The following GARNL3 variants were observed in gnomAD, a reference collection of about 807,000 sequenced individuals.
GARNL3 encodes GTPase-activating Rap/Ran-GAP domain-like protein 3.
Under a neutral mutation model 125.0 loss-of-function variants are expected in GARNL3, and 63 were observed. The ratio of observed to expected loss-of-function variants is 0.50; its 90% CI spans 0.41 to 0.62. The LOEUF (loss-of-function observed/expected upper bound fraction) is 0.62. GARNL3 is among the 20% of genes least tolerant of loss of function. The pLI, the probability that GARNL3 is intolerant of heterozygous loss-of-function variation, is 0.00. For synonymous variants in GARNL3, 439 were observed against 457.5 expected (o/e 0.96, Z 0.52); for missense variants, 994 against 1,244.0 (o/e 0.80, Z 3.02).
At chr9:127,387,570 CCAT>C (rs1179535884) in intron 25 of GARNL3, among the ~76,000 whole-genome samples, 1 of 151,622 alleles carries the variant, frequency 6.6e-6, no homozygotes, top group Non-Finnish European at 1.5e-5. Flanking sequence ...TGGTGAAACC[CCAT>C]CTCTACTAAA....
At chr9:127,378,424 T>G (rs773832630) in intron 22 of GARNL3, among the ~76,000 whole-genome samples, 10 of 151,768 alleles carry the variant, frequency 6.6e-5, no homozygotes, top group African/African-American at 1.9e-4. Flanking sequence ...CCGTCTCTAC[T>G]AAAAATATAA....
At chr9:127,263,020 C>T (rs1344685671), upstream of GARNL3, among the ~76,000 whole-genome samples, 1 of 152,188 alleles carries the variant, frequency 6.6e-6, no homozygotes, top group African/African-American at 2.4e-5. Flanking sequence ...CTGGTTCCCA[C>T]TATTAGCAAG....
intron 2 of GARNL3, among the ~76,000 whole-genome samples, chr9:127,254,662 G>A (rs1234176272): frequency 2.6e-5 from 4 of 151,950 alleles, no homozygotes; most frequent in East Asian, 1.9e-4. Context: ...CCAGCCACTC[G>A]GGAGACTGAG....
chr9:127,389,266 A>G lies in GARNL3; in HGVS notation c.2743+147A>G. The G allele has an allele frequency of 4.8e-6, 3 of 622,052 alleles. No individual in the cohort carries two copies. In the South Asian group the frequency reaches 5.8e-5, roughly 12 times the overall value. 38.5% of individuals were successfully genotyped at this position (622,052 alleles called of 1,614,324 possible). A position where few individuals can be genotyped will look rare whatever the true frequency, so the allele number is the denominator to read the frequency against. On this transcript the variant is annotated intron_variant, in intron 26 of 27. Coordinates refer to ENST00000373387, the MANE Select transcript of GARNL3 (RefSeq NM_032293.5). ...TTTAAGTAAGTTCTAATACCTCTAT[A>G]CCAAGGAATACACTATAATGTAGCC...
At chr9:127,331,497 A>G (rs1372783139) in intron 7 of GARNL3, among the ~76,000 whole-genome samples, 1 of 148,124 alleles carries the variant, frequency 6.8e-6, no homozygotes, top group Non-Finnish European at 1.5e-5. Context: ...TGTCTCAAAA[A>G]AAGAAAGAAA....
At chr9:127,249,510 C>T (rs544174838) in intron 2 of GARNL3, among the ~76,000 whole-genome samples, 21 of 152,068 alleles carry the variant, frequency 1.4e-4, no homozygotes, top group East Asian at 1.2e-3. Context: ...CACCTGAGCC[C>T]GGGAAGTTGA....
At chr9:127,338,449 CT>C (rs1395924327) in intron 12 of GARNL3, among the ~76,000 whole-genome samples, 1 of 152,210 alleles carries the variant, frequency 6.6e-6, no homozygotes, top group Non-Finnish European at 1.5e-5. Context: ...AGTCTACATT[CT>C]TGCCTGCTTA....
chr9:127,295,911 A>G (rs141244039), intron 2 of GARNL3, among the ~76,000 whole-genome samples: 705 of 152,282 alleles, frequency 4.6e-3, no homozygotes, highest in Non-Finnish European at 7.9e-3. Context: ...ATTGTAATAT[A>G]TAATGAAATA....
chr9:127,335,215 A>G lies in GARNL3; in HGVS notation c.770-15A>G, dbSNP rs1829483945. The G allele has an allele frequency of 1.9e-6, 3 of 1,563,404 alleles. No homozygotes were observed. The highest frequency in any genetic ancestry group is 2.6e-6 in the Non-Finnish European group (3 of 1,133,968). On this transcript the variant is annotated splice_polypyrimidine_tract_variant and intron_variant, in intron 9 of 27. Transcript: ENST00000373387. ...AATTCTCTGTGCTCACTGAATGCAT[A>G]TTTATATTTTGCAGATGATACCACA...
intron 1 of GARNL3, among the ~76,000 whole-genome samples, chr9:127,226,932 C>T (rs532760802): frequency 6.6e-6 from 1 of 152,354 alleles, no homozygotes; most frequent in South Asian, 2.1e-4. Flanking sequence ...TGGAGCAGCG[C>T]TGTCCCGTGG....
chr9:127,307,843 C>A (rs2064998522), intron 2 of GARNL3, among the ~76,000 whole-genome samples: 1 of 152,172 alleles, frequency 6.6e-6, no homozygotes, highest in African/African-American at 2.4e-5. Context: ...AGTTTACTCT[C>A]TAGGCTCTGC....
chr9:127,325,009 A>G, intron 6 of GARNL3, 60 bp from the exon 7 acceptor site: 1 of 1,508,520 alleles, frequency 6.6e-7, no homozygotes, highest in Non-Finnish European at 9.2e-7. Flanking sequence ...TTTCACAGCA[A>G]GTCAAAATGA....
intron 4 of GARNL3, among the ~76,000 whole-genome samples, chr9:127,317,646 G>A (rs2065276829): frequency 6.6e-6 from 1 of 151,444 alleles, no homozygotes; most frequent in Non-Finnish European, 1.5e-5. Flanking sequence ...GAACCCAGGA[G>A]GCAGAGGTTG....
At position 127,355,454 on chromosome 9, in the gene GARNL3, A is replaced by G. The variant is rs767674586; in HGVS notation, c.1917A>G (p.Glu639=). Residue 639 remains glutamate (E), a synonymous_variant, in exon 20 of 28, where the codon GAA becomes GAG. Transcript: ENST00000373387. The stretch of plus-strand genomic sequence containing the variant: ...CTCCCCTGTCTGAGTCACCTGTTGA[A>G]GAATTCCAGTACATCAGGGTAGGTT... ...LLSPLSESPV[E]EFQYIREICL... 4 of 1,614,092 alleles carry G rather than the reference A, an allele frequency of 2.5e-6. No individual in the cohort carries two copies. The African/African-American group carries it at 5.3e-5, about 22-fold the overall frequency.
intron 1 of GARNL3, chr9:127,225,207 C>T: frequency 4.4e-6 from 1 of 226,384 alleles, no homozygotes; most frequent in Non-Finnish European, 6.8e-6. Context: ...CTGGGCCCAG[C>T]GAGGGGAGAG....
At chr9:127,270,226 T>C (rs572007027) in intron 1 of GARNL3, among the ~76,000 whole-genome samples, 1 of 152,354 alleles carries the variant, frequency 6.6e-6, no homozygotes, top group East Asian at 1.9e-4. Context: ...CAGAAATCAA[T>C]TGACTATAGA....
intron 10 of GARNL3, among the ~76,000 whole-genome samples, chr9:127,335,804 T>C (rs1829521010): frequency 6.6e-6 from 1 of 152,144 alleles, no homozygotes; most frequent in South Asian, 2.1e-4. Context: ...TCCTGTGTGA[T>C]GGTTGACAAG....
intron 3 of GARNL3, among the ~76,000 whole-genome samples, chr9:127,312,575 G>A (rs1215377572): frequency 1.3e-5 from 2 of 152,188 alleles, no homozygotes; most frequent in African/African-American, 4.8e-5. Flanking sequence ...GAGAATGGAA[G>A]AATAATCACT....
intron 2 of GARNL3, among the ~76,000 whole-genome samples, chr9:127,247,876 C>T (rs1274571172): frequency 2.0e-5 from 3 of 152,096 alleles, no homozygotes; most frequent in South Asian, 2.1e-4. Flanking sequence ...TCTTACTCAT[C>T]CTTTCTATTT....
Sources: gnomAD v4.1 joint callset for allele counts (sites outside exome capture counted in the v4.1 genomes callset) on GRCh38, gnomAD v4.1.1 for gene constraint, MANE v1.5 for transcripts, NCBI Gene and HGNC (gene_info 2026-07-23, HGNC 2026-07-21) for gene names.